Variants in MARCHF1 observed in about 807,000 individuals in gnomAD.
MARCHF1 encodes membrane associated ring-CH-type finger 1.
Under a neutral mutation model 54.2 loss-of-function variants are expected in MARCHF1, and 40 were observed. That is an observed-to-expected ratio of 0.74 (90% confidence interval 0.57 to 0.96). MARCHF1 has a LOEUF of 0.96. Ranked by LOEUF, MARCHF1 falls within the 40% of genes least tolerant of loss-of-function variation. MARCHF1 has a pLI of 0.00. For synonymous variants in MARCHF1, 236 were observed against 236.3 expected (o/e 1.00, Z 0.01); for missense variants, 586 against 656.5 (o/e 0.89, Z 1.17).
intron 1 of MARCHF1, among the ~76,000 whole-genome samples, chr4:164,349,683 A>G (rs1730221741): frequency 6.6e-6 from 1 of 152,346 alleles, no homozygotes; most frequent in Admixed American, 6.5e-5. Flanking sequence ...CAAAATCACT[A>G]TACTTACAAG....
intron 2 of MARCHF1, chr4:164,055,089 G>A (rs1292021168): frequency 5.9e-5 from 9 of 151,970 alleles, no homozygotes; most frequent in Admixed American, 5.9e-4. Context: ...AAATGAAAAA[G>A]GTACAGTAAA....
At chr4:163,955,108 TC>T (rs2110793333) in intron 3 of MARCHF1, among the ~76,000 whole-genome samples, 1 of 151,732 alleles carries the variant, frequency 6.6e-6, no homozygotes, top group South Asian at 2.1e-4. Context: ...AATGTATGTT[TC>T]CATGCTTTAT....
In MARCHF1 at chr4:164,022,642, C is replaced by T. The variant is rs573884575; in HGVS notation, c.-247-33933G>A. ...AGAGTGGGCAGAGACAGGGCTTCAG[C>T]CAGTGAGAAGCCCAGAAGCTTTTGT... is the stretch of plus-strand genomic sequence containing the variant. On this transcript the variant is annotated intron_variant, in intron 2 of 9. Coordinates refer to ENST00000514618, the MANE Select transcript of MARCHF1 (RefSeq NM_001394959.1). Among the ~76,000 whole-genome samples the T allele has an allele frequency of 1.4e-4, 21 of 152,342 alleles. 1 individual carries two copies. The highest frequency in any genetic ancestry group is 4.8e-4 in the African/African-American group (20 of 41,582).
At chr4:163,797,002 T>G (rs1747936963) in intron 4 of MARCHF1, among the ~76,000 whole-genome samples, 1 of 152,132 alleles carries the variant, frequency 6.6e-6, no homozygotes. Context: ...ATCTCAAACC[T>G]TCTACTTAGA....
Position 163,528,790 on chromosome 4 carries a change from C to T in MARCHF1, c.1596G>A (p.Leu532=). Residue 532 remains leucine, a synonymous_variant, in exon 10 of 10, where the codon CTG becomes CTA. Transcript: ENST00000514618. Reference sequence around the variant, plus strand: ...CAGGGGGGCCACCCTCTGCAGATGGCAGTGAATTTGCACCTGTTTGTGGTA... The same window carrying T: ...CAGGGGGGCCACCCTCTGCAGATGGTAGTGAATTTGCACCTGTTTGTGGTA... ...VPVPQTGANS[L]PSAEGGPPEV... The T allele has an allele frequency of 6.2e-7, 1 of 1,613,000 alleles. No homozygotes were observed. The highest frequency in any genetic ancestry group is 8.5e-7 in the Non-Finnish European group (1 of 1,179,290).
rs1001472295 is a variant in MARCHF1, at chr4:163,896,050, A to G, written c.-38-41881T>C. 3.3e-5 allele frequency among the ~76,000 whole-genome samples: 5 copies of G among 152,352 alleles called. No homozygotes were observed. In the East Asian group the frequency reaches 7.7e-4, roughly 23 times the overall value. On this transcript the variant is annotated intron_variant, in intron 3 of 9. Coordinates refer to ENST00000514618, the MANE Select transcript of MARCHF1 (RefSeq NM_001394959.1). ...AAAATAAAAATGATATTCTAAAACCAATAATAAAATACCATGCGTAACCAT... is the reference window on the plus strand; with the variant it reads ...AAAATAAAAATGATATTCTAAAACCGATAATAAAATACCATGCGTAACCAT...
chr4:164,139,961 C>G (rs545342637), intron 1 of MARCHF1, among the ~76,000 whole-genome samples: 1 of 152,064 alleles, frequency 6.6e-6, no homozygotes, highest in African/African-American at 2.4e-5. Context: ...CTCCCCCAAC[C>G]CCCAATAATA....
At chr4:164,184,411 A>G (rs748033439) in intron 1 of MARCHF1, among the ~76,000 whole-genome samples, 7 of 152,174 alleles carry the variant, frequency 4.6e-5, no homozygotes, top group Non-Finnish European at 1.0e-4. Context: ...ATCCACTTTT[A>G]GCTTCCACAT....
At chr4:163,659,842 A>C (rs1743282742) in intron 5 of MARCHF1, among the ~76,000 whole-genome samples, 1 of 152,174 alleles carries the variant, frequency 6.6e-6, no homozygotes, top group South Asian at 2.1e-4. Context: ...AATCAAAAGC[A>C]CAATGAGATA....
chr4:164,098,345 G>A (rs975212434), intron 2 of MARCHF1, among the ~76,000 whole-genome samples: 1 of 152,114 alleles, frequency 6.6e-6, no homozygotes, highest in African/African-American at 2.4e-5. Flanking sequence ...TTCCAGGACA[G>A]GTATGTTAGG....
At chr4:163,883,661 A>C (rs1232266610) in intron 3 of MARCHF1, among the ~76,000 whole-genome samples, 1 of 152,232 alleles carries the variant, frequency 6.6e-6, no homozygotes, top group Non-Finnish European at 1.5e-5. Flanking sequence ...ACTTCAAAGA[A>C]AATTTTTTAG....
chr4:163,983,657 G>C (rs1002403404), intron 3 of MARCHF1, among the ~76,000 whole-genome samples: 1 of 152,156 alleles, frequency 6.6e-6, no homozygotes. Context: ...GTAGTCAATG[G>C]CCTGCATTTT....
intron 1 of MARCHF1, among the ~76,000 whole-genome samples, chr4:164,148,940 T>G (rs1011077227): frequency 3.3e-5 from 5 of 152,096 alleles, no homozygotes; most frequent in Non-Finnish European, 7.4e-5. Context: ...CCTCCAAATC[T>G]CATGTTGAAA....
chr4:163,929,982 A>T (rs28415632), intron 3 of MARCHF1, among the ~76,000 whole-genome samples: 12 of 98,986 alleles, frequency 1.2e-4, no homozygotes, highest in Non-Finnish European at 1.7e-4. Context: ...AATATATATA[A>T]TATATATATA....
intron 1 of MARCHF1, among the ~76,000 whole-genome samples, chr4:164,357,243 T>C (rs79328338): frequency 0.11 from 16,218 of 152,104 alleles, 1,451 homozygotes; most frequent in East Asian, 0.29. Context: ...GCTCATTCAT[T>C]TTTCGCGACT....
intron 4 of MARCHF1, among the ~76,000 whole-genome samples, chr4:163,805,053 G>T (rs2110987918): frequency 6.6e-6 from 1 of 152,078 alleles, no homozygotes; most frequent in South Asian, 2.1e-4. Context: ...CATAATCCAT[G>T]AAGGCAAGAT....
chr4:163,994,559 T>C (rs1753030329), intron 2 of MARCHF1, among the ~76,000 whole-genome samples: 1 of 151,926 alleles, frequency 6.6e-6, no homozygotes, highest in African/African-American at 2.4e-5. Context: ...CCCTAAAACT[T>C]AAAGTATAAT....
chr4:164,028,633 A>C (rs1372670329), intron 2 of MARCHF1, among the ~76,000 whole-genome samples: 1 of 152,184 alleles, frequency 6.6e-6, no homozygotes, highest in Admixed American at 6.5e-5. Context: ...TACTATGCTC[A>C]CTACCTGGGT....
At chr4:163,902,261 A>C (rs1579379416) in intron 3 of MARCHF1, among the ~76,000 whole-genome samples, 1 of 152,200 alleles carries the variant, frequency 6.6e-6, no homozygotes, top group Non-Finnish European at 1.5e-5. Context: ...ATATGCCTGA[A>C]TTACCATCAG....
Sources: allele counts gnomAD v4.1 joint callset (sites outside exome capture counted in the v4.1 genomes callset), GRCh38; gene constraint gnomAD v4.1.1; transcripts MANE v1.5; gene names NCBI Gene and HGNC (gene_info 2026-07-23, HGNC 2026-07-21).